Variants in IL1RAPL2 observed in about 807,000 individuals in gnomAD.
The protein encoded by IL1RAPL2 is interleukin 1 receptor accessory protein like 2.
IL1RAPL2 carries 3 observed loss-of-function variants against 44.1 expected under a neutral mutation model. The observed-to-expected ratio is 0.07, with a 90% confidence interval of 0.03 to 0.18. The LOEUF is 0.18. IL1RAPL2 is among the 10% of genes least tolerant of loss of function. The pLI, the probability that IL1RAPL2 is intolerant of heterozygous loss-of-function variation, is 1.00. For missense variants in IL1RAPL2, 391 were observed against 496.4 expected, an observed-to-expected ratio of 0.79 and a Z score of 2.02; for synonymous variants, 181 against 178.8, an observed-to-expected ratio of 1.01 and a Z score of -0.10.
intron 6 of IL1RAPL2, among the ~76,000 whole-genome samples, chrX:105,568,135 A>G (rs1409571137): frequency 9.0e-6 from 1 of 111,079 alleles, no homozygotes; most frequent in African/African-American, 3.3e-5. Flanking sequence ...AAGACGTGAA[A>G]GACAGAGGCA....
chrX:105,188,498 C>T (rs541618416), intron 2 of IL1RAPL2, among the ~76,000 whole-genome samples: 31 of 111,239 alleles, frequency 2.8e-4, no homozygotes, highest in Middle Eastern at 4.6e-3. Context: ...ATTGGAGGCT[C>T]ATTCATGGGA....
At chrX:105,720,049 G>A (rs2038289923) in intron 7 of IL1RAPL2, among the ~76,000 whole-genome samples, 2 of 111,651 alleles carry the variant, frequency 1.8e-5, no homozygotes, top group South Asian at 7.5e-4. Flanking sequence ...AAATGGATAT[G>A]TGATAGGTAC....
chrX:105,154,580 T>C (rs1176890830), intron 2 of IL1RAPL2, among the ~76,000 whole-genome samples: 2 of 109,960 alleles, frequency 1.8e-5, no homozygotes, highest in Non-Finnish European at 3.8e-5. Context: ...GATCTCCTAA[T>C]AGAATCAGAG....
rs12844515 is a variant in IL1RAPL2 at position 104,932,000 on chromosome X, T to A, written c.83-263475T>A. Among the ~76,000 whole-genome samples the A allele has an allele frequency of 2.9e-3, 289 of 100,209 alleles. 1 individual carries two copies. The highest frequency in any genetic ancestry group is 9.9e-3 in the African/African-American group (268 of 27,117). 87.0% of individuals were successfully genotyped at this position (100,209 alleles called of 115,157 possible). ...TTTGTATATATATATATATATATTT[T>A]TTTTTTTTTGAGACAGAGTTTCACT... On this transcript the variant is annotated intron_variant, in intron 2 of 10. Transcript: ENST00000372582.
intron 2 of IL1RAPL2, among the ~76,000 whole-genome samples, chrX:105,061,794 A>C (rs1419971918): frequency 9.0e-6 from 1 of 111,715 alleles, no homozygotes; most frequent in African/African-American, 3.2e-5. Context: ...TTGTATAGTG[A>C]CCTGTCTCTT....
At chrX:104,802,568 C>A (rs1319301995) in intron 2 of IL1RAPL2, among the ~76,000 whole-genome samples, 1 of 110,752 alleles carries the variant, frequency 9.0e-6, no homozygotes, top group Non-Finnish European at 1.9e-5. Flanking sequence ...AATTTTAAAT[C>A]ATTTCAGCCG....
chrX:105,435,139 G>A (rs2035872793), intron 5 of IL1RAPL2, among the ~76,000 whole-genome samples: 1 of 111,648 alleles, frequency 9.0e-6, no homozygotes, highest in Admixed American at 9.6e-5. Flanking sequence ...TTGAAGTTAG[G>A]TAGCATGATG....
chrX:104,629,292 T>G (rs1184729843), intron 1 of IL1RAPL2, among the ~76,000 whole-genome samples: 1 of 111,885 alleles, frequency 8.9e-6, no homozygotes, highest in East Asian at 2.8e-4. Context: ...TGTTGAGCAG[T>G]TTTTTTCATA....
intron 5 of IL1RAPL2, among the ~76,000 whole-genome samples, chrX:105,278,665 C>T (rs1226479583): frequency 2.7e-5 from 3 of 111,873 alleles, no homozygotes; most frequent in African/African-American, 9.8e-5. Context: ...CTTCTCACAA[C>T]CTCAAAAGGC....
rs776795679 is a variant in IL1RAPL2, at chrX:104,636,285, G to C, written c.-19-22610G>C. ...GGTGCCTCCCAGTTAGGCTACTCAG[G>C]GGTCAGGGACCCACTTGAGGAGGCA... On this transcript the variant is annotated intron_variant, in intron 1 of 10. Coordinates refer to ENST00000372582, the MANE Select transcript of IL1RAPL2 (RefSeq NM_017416.2). Among the ~76,000 whole-genome samples the C allele has an allele frequency of 1.8e-3, 204 of 112,160 alleles. 1 individual carries two copies. Among genetic ancestry groups the C allele is most frequent in the Non-Finnish European group, 3.3e-3 (176 of 53,156 alleles).
At chrX:105,737,224 T>A (rs768072584) in intron 7 of IL1RAPL2, among the ~76,000 whole-genome samples, 21 of 110,858 alleles carry the variant, frequency 1.9e-4, no homozygotes, top group African/African-American at 6.9e-4. Flanking sequence ...CACCAGGGCC[T>A]ACTTGAGAGT....
At chrX:105,581,089 T>C (rs2037086312) in intron 6 of IL1RAPL2, among the ~76,000 whole-genome samples, 1 of 111,365 alleles carries the variant, frequency 9.0e-6, no homozygotes, top group Non-Finnish European at 1.9e-5. Context: ...GAATCTAGGA[T>C]GTACCATCTG....
At chrX:105,071,509 CA>C (rs201251322) in intron 2 of IL1RAPL2, among the ~76,000 whole-genome samples, 85 of 109,120 alleles carry the variant, frequency 7.8e-4, no homozygotes, top group African/African-American at 2.4e-3. Context: ...CAGAAATATA[CA>C]AAAAAAAATC....
intron 2 of IL1RAPL2, among the ~76,000 whole-genome samples, chrX:104,901,300 T>A (rs1411000240): frequency 1.1e-5 from 1 of 90,802 alleles, no homozygotes; most frequent in Non-Finnish European, 2.1e-5. Flanking sequence ...AAGCTCCGCC[T>A]CCCGGGTTCA....
intron 2 of IL1RAPL2, among the ~76,000 whole-genome samples, chrX:104,998,395 C>T (rs1042784880): frequency 9.0e-6 from 1 of 110,538 alleles, no homozygotes; most frequent in Non-Finnish European, 1.9e-5. Context: ...TCAAGATTTG[C>T]CTTGAAGGAA....
rs1003722042 is a variant in IL1RAPL2, at chrX:104,914,512, C to A, written c.82+255517C>A. Among the ~76,000 whole-genome samples the A allele has an allele frequency of 1.4e-3, 159 of 111,908 alleles. 1 individual carries two copies. Among genetic ancestry groups the A allele is most frequent in the African/African-American group, 4.8e-3 (148 of 30,865 alleles). Reference sequence around the variant, plus strand: ...TAAATGCATCTGGAAAGATATTCTTCTATTGTTAATTGAGAAAAGCAAGTC... The same window carrying A: ...TAAATGCATCTGGAAAGATATTCTTATATTGTTAATTGAGAAAAGCAAGTC... On this transcript the variant is annotated intron_variant, in intron 2 of 10. Coordinates refer to ENST00000372582, the MANE Select transcript of IL1RAPL2 (RefSeq NM_017416.2).
At position 105,268,320 on chromosome X, in the gene IL1RAPL2, A is replaced by T. The variant is rs146819728; in HGVS notation, c.697+779A>T. ...AATCTCATATATGGAACCTAAAAAAAAGTTGAATGTGTTGCAAAAGAGAGT... is the reference window on the plus strand; with the variant it reads ...AATCTCATATATGGAACCTAAAAAATAGTTGAATGTGTTGCAAAAGAGAGT... On this transcript the variant is annotated intron_variant, in intron 5 of 10. Coordinates refer to ENST00000372582, the MANE Select transcript of IL1RAPL2 (RefSeq NM_017416.2). Among the ~76,000 whole-genome samples the T allele has an allele frequency of 3.1e-3, 349 of 111,771 alleles. 4 individuals carry two copies. The highest frequency in any genetic ancestry group is 0.011 in the African/African-American group (341 of 30,837).
chrX:105,264,985 C>A (rs767091148), intron 4 of IL1RAPL2, among the ~76,000 whole-genome samples: 1 of 112,205 alleles, frequency 8.9e-6, no homozygotes. Flanking sequence ...CTCGATCATT[C>A]CCAAAGAACA....
intron 2 of IL1RAPL2, among the ~76,000 whole-genome samples, chrX:104,692,746 G>A (rs1362589278): frequency 2.7e-5 from 3 of 111,541 alleles, no homozygotes; most frequent in Admixed American, 9.5e-5. Flanking sequence ...ATCTATCATC[G>A]TTGGACACTT....
Sources: allele counts gnomAD v4.1 joint callset (sites outside exome capture counted in the v4.1 genomes callset), GRCh38; gene constraint gnomAD v4.1.1; transcripts MANE v1.5; gene names NCBI Gene and HGNC (gene_info 2026-07-23, HGNC 2026-07-21).